Variants in GRIA3 observed in about 807,000 individuals in gnomAD.
The protein encoded by GRIA3 is glutamate receptor 3.
GRIA3 carries 3 observed loss-of-function variants against 63.0 expected under a neutral mutation model. The observed-to-expected ratio is 0.05, with a 90% CI of 0.02 to 0.12. GRIA3 has a LOEUF of 0.12. Among genes scored for constraint, GRIA3 ranks in the 10% least tolerant of loss-of-function variants. The probability of loss-of-function intolerance (pLI) is 1.00; values close to 1 mark genes in which losing one functional copy is unlikely to be tolerated. For missense variants in GRIA3, 347 were observed against 700.9 expected (o/e 0.50, Z 5.70); for synonymous variants, 274 against 257.9 (o/e 1.06, Z -0.60).
chrX:123,194,143 T>C (rs973754810), intron 2 of GRIA3, among the ~76,000 whole-genome samples: 1 of 111,192 alleles, frequency 9.0e-6, no homozygotes, highest in Non-Finnish European at 1.9e-5. Flanking sequence ...GTGTGTGGTG[T>C]TTGCTGCAAT....
intron 12 of GRIA3, among the ~76,000 whole-genome samples, chrX:123,439,952 T>C (rs982099881): frequency 1.8e-5 from 2 of 111,551 alleles, no homozygotes; most frequent in Non-Finnish European, 3.8e-5. Flanking sequence ...TTCCAACCTT[T>C]CATCCTCAAG....
chrX:123,388,646 G>C lies in GRIA3; in HGVS notation c.751-6322G>C, dbSNP rs140687884. Among the ~76,000 whole-genome samples the C allele has an allele frequency of 4.4e-3, 487 of 111,849 alleles. 3 individuals are homozygous for C. The highest frequency in any genetic ancestry group is 0.015 in the African/African-American group (467 of 30,831). ...TCTTTTTTGGTTCATCTAGCTAGTGGTTTATTGATTTTATCTTTTGAAAAA... is the reference window on the plus strand; with the variant it reads ...TCTTTTTTGGTTCATCTAGCTAGTGCTTTATTGATTTTATCTTTTGAAAAA... On this transcript the variant is annotated intron_variant, in intron 5 of 15. Transcript: ENST00000620443.
intron 3 of GRIA3, among the ~76,000 whole-genome samples, chrX:123,312,223 C>CA (rs993762615): frequency 1.3e-4 from 15 of 111,708 alleles, no homozygotes; most frequent in Non-Finnish European, 2.4e-4. Flanking sequence ...ATCTCTTAGT[C>CA]AAAAAATGAT....
chrX:123,244,554 T>C (rs2044347529), intron 2 of GRIA3, among the ~76,000 whole-genome samples: 1 of 112,778 alleles, frequency 8.9e-6, no homozygotes, highest in African/African-American at 3.2e-5. Flanking sequence ...TAGATATGTA[T>C]GCATTTTCAT....
intron 3 of GRIA3, among the ~76,000 whole-genome samples, chrX:123,295,845 A>G (rs1385519819): frequency 9.0e-6 from 1 of 111,028 alleles, no homozygotes; most frequent in Admixed American, 9.6e-5. Flanking sequence ...TAGATAGTCC[A>G]ATTGCCTATA....
intron 11 of GRIA3, among the ~76,000 whole-genome samples, chrX:123,420,937 A>C (rs774138991): frequency 9.0e-6 from 1 of 111,570 alleles, no homozygotes; most frequent in South Asian, 3.8e-4. Context: ...CATGACCCAC[A>C]GTAAGAAGTA....
chrX:123,361,562 C>T (rs2045174488), intron 5 of GRIA3, among the ~76,000 whole-genome samples: 1 of 111,585 alleles, frequency 9.0e-6, no homozygotes, highest in Admixed American at 9.5e-5. Flanking sequence ...GGAGTGGGGA[C>T]TGGGCTGGTT....
chrX:123,373,777 T>A (rs1486641261), intron 5 of GRIA3, among the ~76,000 whole-genome samples: 1 of 111,919 alleles, frequency 8.9e-6, no homozygotes, highest in African/African-American at 3.2e-5. Context: ...ATGAGTAGAT[T>A]GCAAAAATTT....
chrX:123,364,466 T>C (rs770809012), intron 5 of GRIA3, among the ~76,000 whole-genome samples: 1 of 112,245 alleles, frequency 8.9e-6, no homozygotes, highest in South Asian at 3.7e-4. Flanking sequence ...ATTTCACTAA[T>C]TGAAAATGTT....
intron 4 of GRIA3, among the ~76,000 whole-genome samples, chrX:123,331,816 G>C (rs1159567543): frequency 1.8e-5 from 2 of 111,559 alleles, no homozygotes; most frequent in African/African-American, 6.5e-5. Context: ...TGACAACAGG[G>C]GAGGTGACAA....
At chrX:123,276,350 G>C (rs2044554463) in intron 3 of GRIA3, among the ~76,000 whole-genome samples, 1 of 111,392 alleles carries the variant, frequency 9.0e-6, no homozygotes, top group African/African-American at 3.3e-5. Context: ...TCATATCTAG[G>C]TGATGATTTT....
chrX:123,401,791 A>G (rs920354096), intron 7 of GRIA3, among the ~76,000 whole-genome samples: 1 of 112,396 alleles, frequency 8.9e-6, no homozygotes, highest in Non-Finnish European at 1.9e-5. Flanking sequence ...GTCATTTTCC[A>G]TAAGTGATGA....
intron 5 of GRIA3, 129 bp downstream of exon 5, chrX:123,355,092 A>G (rs1202221895): frequency 1.5e-5 from 8 of 549,902 alleles, no homozygotes; most frequent in Non-Finnish European, 2.3e-5. Flanking sequence ...ACTTCGGTAA[A>G]TACCAAAACC....
intron 2 of GRIA3, among the ~76,000 whole-genome samples, chrX:123,207,851 G>A (rs1439012660): frequency 9.0e-6 from 1 of 111,293 alleles, no homozygotes; most frequent in Non-Finnish European, 1.9e-5. Flanking sequence ...AAGAGGTAAG[G>A]CCTACAAAGC....
At chrX:123,300,092 G>A (rs952488948) in intron 3 of GRIA3, among the ~76,000 whole-genome samples, 4 of 110,551 alleles carry the variant, frequency 3.6e-5, no homozygotes, top group Non-Finnish European at 5.7e-5. Context: ...TGATCATGAT[G>A]GATTAGTTTT....
intron 3 of GRIA3, among the ~76,000 whole-genome samples, chrX:123,312,376 C>G (rs924617080): frequency 8.9e-6 from 1 of 111,778 alleles, no homozygotes; most frequent in Non-Finnish European, 1.9e-5. Flanking sequence ...TTCAGTGATA[C>G]GTATTTTAAG....
At chrX:123,185,387 C>T (rs765491652) in intron 1 of GRIA3, among the ~76,000 whole-genome samples, 1 of 107,838 alleles carries the variant, frequency 9.3e-6, no homozygotes, top group East Asian at 3.0e-4. Flanking sequence ...TGTATTGTCA[C>T]GGGGGAGGGT....
chrX:123,334,958 A>G (rs746517635), intron 4 of GRIA3, among the ~76,000 whole-genome samples: 1 of 109,925 alleles, frequency 9.1e-6, no homozygotes, highest in African/African-American at 3.3e-5. Context: ...GCCACACTCA[A>G]TGCTAGGGTG....
In GRIA3 at chrX:123,490,631, A is replaced by AT. The variant is rs1164005230; in HGVS notation, c.*1927dup. 1 of 112,044 alleles carries AT rather than the reference A, an allele frequency of 8.9e-6. No individual in the cohort carries two copies. Among genetic ancestry groups the AT allele is most frequent in the Admixed American group, 9.5e-5 (1 of 10,537 alleles). 9.2% of individuals were successfully genotyped at this position (112,044 alleles called of 1,213,427 possible). On this transcript the variant is annotated 3_prime_UTR_variant, in exon 16 of 16. Coordinates refer to ENST00000620443, the MANE Select transcript of GRIA3 (RefSeq NM_007325.5). ...GAAGAGGCGGGTAAATTGGTTTGTT[A>AT]TTTTTTAAAAAAAACTTGCATGTTT...
Sources: allele counts gnomAD v4.1 joint callset (sites outside exome capture counted in the v4.1 genomes callset), GRCh38; gene constraint gnomAD v4.1.1; transcripts MANE v1.5; gene names NCBI Gene and HGNC (gene_info 2026-07-23, HGNC 2026-07-21).